The following TXNRD2 variants were observed in gnomAD, a reference collection of about 807,000 sequenced individuals.
TXNRD2 encodes thioredoxin reductase 2, mitochondrial.
TXNRD2 carries 67 observed loss-of-function variants against 70.8 expected under a neutral mutation model. The observed-to-expected ratio is 0.95, with a 90% CI of 0.78 to 1.16. The LOEUF (loss-of-function observed/expected upper bound fraction) is 1.16. Among genes scored for constraint, TXNRD2 ranks in the 50% most tolerant of loss-of-function variants. TXNRD2 has a pLI of 0.00. For synonymous variants in TXNRD2, 301 were observed against 295.8 expected, an observed-to-expected ratio of 1.02 and a Z score of -0.18; for missense variants, 644 against 719.9, an observed-to-expected ratio of 0.89 and a Z score of 1.21.
At chr22:19,925,146 TG>T (rs1555914206) in intron 2 of TXNRD2, among the ~76,000 whole-genome samples, 1 of 151,716 alleles carries the variant, frequency 6.6e-6, no homozygotes, top group Non-Finnish European at 1.5e-5. Context: ...TAGACGGGCA[TG>T]GTGGCATGCG....
In TXNRD2 at chr22:19,883,407, C is replaced by A; in HGVS notation, c.1004G>T (p.Ser335Ile). 1 of 1,614,050 alleles carries A rather than the reference C, an allele frequency of 6.2e-7. No homozygotes were observed. ...CACCAGGATCTTCTGAGTGTCGGGGCTAGTATCTACCCCAGCCTTCTCCAA... is the reference window on the plus strand; with the variant it reads ...CACCAGGATCTTCTGAGTGTCGGGGATAGTATCTACCCCAGCCTTCTCCAA... ...LNLEKAGVDT[S>I]PDTQKILVDS... Residue 335 changes from serine to isoleucine, a missense_variant, in exon 12 of 18, where the codon AGC (serine) becomes ATC (isoleucine). Around this residue, in one of 3 missense-constraint regions of TXNRD2, gnomAD observed 566 missense variants for 645.0 expected, o/e 0.88. Coordinates refer to ENST00000400521, the MANE Select transcript of TXNRD2 (RefSeq NM_006440.5).
chr22:19,893,210 T>C (rs1939342386), intron 11 of TXNRD2, among the ~76,000 whole-genome samples: 1 of 152,086 alleles, frequency 6.6e-6, no homozygotes, highest in Admixed American at 6.5e-5. Flanking sequence ...GGTTAGCTGA[T>C]GGAGGTGGAG....
chr22:19,919,438 C>T, intron 3 of TXNRD2, 105 bp downstream of exon 3: 1 of 1,016,610 alleles, frequency 9.8e-7, no homozygotes, highest in Non-Finnish European at 1.5e-6. Context: ...AAACCATGGA[C>T]AGCAGGGCTG....
rs1019205992 is a variant in TXNRD2 at position 19,898,059 on chromosome 22, G to T, written c.754C>A (p.Pro252Thr). The change falls in exon 10 of 18, where the codon CCC becomes ACC. Residue 252 changes from proline to threonine, a missense_variant. Physicochemically the swap from Pro to Thr is conservative, Grantham distance 38. Coordinates refer to ENST00000400521, the MANE Select transcript of TXNRD2 (RefSeq NM_006440.5). ...ACTACCTGGTCGAAGCCGCGGAGGG[G>T]GATGCTGCGCATCATGATGGTGGTG... ...LDTTIMMRSI[P>T]LRGFDQQMSS... The T allele has an allele frequency of 1.3e-6, 2 of 1,560,538 alleles. No individual in the cohort carries two copies. The highest frequency in any genetic ancestry group is 1.9e-5 in the Admixed American group (1 of 52,318).
At chr22:19,932,690 G>A in intron 1 of TXNRD2, 1 of 800,702 alleles carries the variant, frequency 1.2e-6, no homozygotes. Context: ...AGTGCCCTCA[G>A]CCCCTCTGCA....
intron 11 of TXNRD2, among the ~76,000 whole-genome samples, chr22:19,888,134 G>C (rs1009642230): frequency 3.9e-5 from 6 of 152,246 alleles, no homozygotes; most frequent in Non-Finnish European, 7.3e-5. Flanking sequence ...GCAGCCCGGA[G>C]CTGCCTCCAG....
At chr22:19,891,401 C>G (rs975760684) in intron 11 of TXNRD2, 2 of 152,390 alleles carry the variant, frequency 1.3e-5, no homozygotes, top group African/African-American at 2.4e-5. Context: ...CAGCATCTCA[C>G]CCTCAAGAGA....
intron 1 of TXNRD2, among the ~76,000 whole-genome samples, chr22:19,934,223 G>T (rs1941462532): frequency 6.6e-6 from 1 of 152,056 alleles, no homozygotes; most frequent in Admixed American, 6.6e-5. Context: ...GACAGTTCAG[G>T]TCTTCCTACT....
At chr22:19,903,828 G>A (rs968236292) in intron 8 of TXNRD2, among the ~76,000 whole-genome samples, 2 of 152,230 alleles carry the variant, frequency 1.3e-5, no homozygotes, top group Non-Finnish European at 2.9e-5. Context: ...TTGCAAGGCT[G>A]CATGCCCCCT....
At chr22:19,895,100 G>T (rs540668332) in intron 11 of TXNRD2, 18 of 1,598,008 alleles carry the variant, frequency 1.1e-5, no homozygotes, top group Middle Eastern at 3.3e-4. Context: ...TTGCCTAGTT[G>T]ATCCTCGATG....
intron 11 of TXNRD2, among the ~76,000 whole-genome samples, chr22:19,892,240 C>T (rs1939296025): frequency 1.3e-5 from 2 of 152,258 alleles, no homozygotes; most frequent in Non-Finnish European, 2.9e-5. Context: ...TGGTTAAAGG[C>T]TTATCGTACA....
chr22:19,931,952 A>T (rs1429678266), intron 1 of TXNRD2, among the ~76,000 whole-genome samples: 1 of 151,922 alleles, frequency 6.6e-6, no homozygotes, highest in Non-Finnish European at 1.5e-5. Context: ...CAAGGTTAGG[A>T]GATCGAGACC....
At position 19,933,115 on chromosome 22, in the gene TXNRD2, C is replaced by T. The variant is rs1165401073; in HGVS notation, c.104-2017G>A. On this transcript the variant is annotated intron_variant, in intron 1 of 17. Coordinates refer to ENST00000400521, the MANE Select transcript of TXNRD2 (RefSeq NM_006440.5). ...AGCGAGCCTGCCCCACAACCAAACCCACCCACTCTTTCACCTGGCAGCCAG... is the reference window on the plus strand; with the variant it reads ...AGCGAGCCTGCCCCACAACCAAACCTACCCACTCTTTCACCTGGCAGCCAG... Among the ~76,000 whole-genome samples, 15 of 152,342 alleles carry T rather than the reference C, an allele frequency of 9.8e-5. No individual in the cohort carries two copies. The South Asian group carries it at 2.7e-3, about 27-fold the overall frequency.
intron 2 of TXNRD2, among the ~76,000 whole-genome samples, chr22:19,929,000 G>A (rs1306245907): frequency 5.8e-5 from 4 of 69,320 alleles, no homozygotes; most frequent in East Asian, 4.7e-4. Context: ...AGCAAGACTC[G>A]CTTGCAAAAA....
At chr22:19,886,210 G>A (rs767391139) in intron 11 of TXNRD2, among the ~76,000 whole-genome samples, 45 of 152,256 alleles carry the variant, frequency 3.0e-4, no homozygotes, top group Admixed American at 6.5e-4. Flanking sequence ...TTAGAAGCTG[G>A]GCTGGTGGGA....
At chr22:19,930,016 G>A (rs1052732898) in intron 2 of TXNRD2, among the ~76,000 whole-genome samples, 1 of 152,176 alleles carries the variant, frequency 6.6e-6, no homozygotes, top group African/African-American at 2.4e-5. Context: ...CAGCCCAGGT[G>A]CCCGGTCTGC....
intron 1 of TXNRD2, chr22:19,932,219 C>A: frequency 6.8e-7 from 1 of 1,477,282 alleles, no homozygotes; most frequent in Non-Finnish European, 9.4e-7. Flanking sequence ...TCACAGCTGG[C>A]CAGTGCACAC....
chr22:19,898,902 G>T, intron 9 of TXNRD2, 147 bp downstream of exon 9: 1 of 1,005,684 alleles, frequency 9.9e-7, no homozygotes, highest in Non-Finnish European at 1.5e-6. Context: ...CTGTCCCCAG[G>T]CACAGTAGAT....
chr22:19,933,540 G>T, intron 1 of TXNRD2: 1 of 1,285,006 alleles, frequency 7.8e-7, no homozygotes, highest in South Asian at 1.2e-5. Flanking sequence ...ATCAGGCAGG[G>T]TGAGCAGCTG....
Sources: gnomAD v4.1 joint callset for allele counts (sites outside exome capture counted in the v4.1 genomes callset) on GRCh38, gnomAD v4.1.1 for gene constraint, gnomAD v4.1.1 regional missense constraint, MANE v1.5 for transcripts, NCBI Gene and HGNC (gene_info 2026-07-23, HGNC 2026-07-21) for gene names.